Variants in CRK observed in about 807,000 individuals in gnomAD.
CRK encodes CRK proto-oncogene, adaptor protein.
In CRK, 4 loss-of-function variants were observed where a neutral mutation model predicts 29.8. That is an observed-to-expected ratio of 0.13 (90% CI 0.07 to 0.31). The LOEUF (loss-of-function observed/expected upper bound fraction) is 0.31, where lower values mean the gene tolerates loss of function less well. Among genes scored for constraint, CRK ranks in the 10% least tolerant of loss-of-function variants. The probability of loss-of-function intolerance (pLI) is 1.00; values close to 1 mark genes in which losing one functional copy is unlikely to be tolerated. For synonymous variants in CRK, 153 were observed against 164.9 expected (o/e 0.93, Z 0.55); for missense variants, 274 against 396.5 (o/e 0.69, Z 2.62).
At chr17:1,455,327 A>G (rs1041199424) in intron 1 of CRK, among the ~76,000 whole-genome samples, 1 of 152,132 alleles carries the variant, frequency 6.6e-6, no homozygotes, top group East Asian at 1.9e-4. Context: ...AAGATTTTGG[A>G]AAAATGCCCA....
At chr17:1,433,835 T>G (rs1236471261) in intron 2 of CRK, among the ~76,000 whole-genome samples, 1 of 150,936 alleles carries the variant, frequency 6.6e-6, no homozygotes. Context: ...GTTTTTTTTT[T>G]TTTTTTTTTT....
In CRK at chr17:1,448,620, C is replaced by CAAAAAAA. The variant is rs1292024313; in HGVS notation, c.241+7250_241+7256dup. Among the ~76,000 whole-genome samples, 81 of 32,306 alleles carry CAAAAAAA rather than the reference C, an allele frequency of 2.5e-3. 2 individuals carry two copies. Among genetic ancestry groups the CAAAAAAA allele is most frequent in the Middle Eastern group, 0.012 (1 of 84 alleles). The allele number at this position is 32,306 out of a possible 152,430, so 21.2% of individuals were successfully genotyped here. On this transcript the variant is annotated intron_variant, in intron 1 of 2. Coordinates refer to ENST00000300574, the MANE Select transcript of CRK (RefSeq NM_016823.4). Reference sequence around the variant, plus strand: ...CCTGGGTGAGAGCAAGACTCCATCTCAAAAAAAAAAAAAAAAAAAAAAGAA... The same window carrying CAAAAAAA: ...CCTGGGTGAGAGCAAGACTCCATCTCAAAAAAAAAAAAAAAAAAAAAAAAAAAAAGAA...
intron 2 of CRK, among the ~76,000 whole-genome samples, chr17:1,426,810 C>T (rs1336635137): frequency 6.6e-6 from 1 of 151,454 alleles, no homozygotes; most frequent in Non-Finnish European, 1.5e-5. Context: ...TGCAGTGAGC[C>T]GAGACTGTGC....
At chr17:1,438,724 G>C (rs1056531198) in intron 1 of CRK, among the ~76,000 whole-genome samples, 2 of 152,040 alleles carry the variant, frequency 1.3e-5, no homozygotes, top group Non-Finnish European at 2.9e-5. Flanking sequence ...GAGTGTGTAT[G>C]GTGGCCCTAC....
chr17:1,450,919 G>A (rs775249990), intron 1 of CRK, among the ~76,000 whole-genome samples: 1 of 151,844 alleles, frequency 6.6e-6, no homozygotes, highest in Non-Finnish European at 1.5e-5. Flanking sequence ...TAGGCCGGGC[G>A]CGGTGGCTCA....
chr17:1,435,266 G>A (rs1045736662), intron 2 of CRK, among the ~76,000 whole-genome samples: 1 of 151,870 alleles, frequency 6.6e-6, no homozygotes, highest in Non-Finnish European at 1.5e-5. Flanking sequence ...TGCCTAGGCC[G>A]GTCTCCAACT....
At chr17:1,426,653 C>G (rs934004838) in intron 2 of CRK, among the ~76,000 whole-genome samples, 4 of 152,102 alleles carry the variant, frequency 2.6e-5, no homozygotes, top group Non-Finnish European at 4.4e-5. Context: ...ATCACGACGT[C>G]AGGAGTTCAA....
At chr17:1,437,805 C>A (rs1455801371) in intron 1 of CRK, among the ~76,000 whole-genome samples, 1 of 151,336 alleles carries the variant, frequency 6.6e-6, no homozygotes, top group Non-Finnish European at 1.5e-5. Context: ...AGGCTCCCAC[C>A]ACCATGACAA....
chr17:1,453,848 C>A (rs1365662390), intron 1 of CRK, among the ~76,000 whole-genome samples: 1 of 152,056 alleles, frequency 6.6e-6, no homozygotes, highest in Admixed American at 6.6e-5. Flanking sequence ...GTAGAGATTG[C>A]AGTGAGCTGA....
At chr17:1,442,466 G>A (rs1351591291) in intron 1 of CRK, among the ~76,000 whole-genome samples, 7 of 151,902 alleles carry the variant, frequency 4.6e-5, no homozygotes, top group African/African-American at 1.7e-4. Context: ...GCAGATGTGA[G>A]CCAGTGCCGT....
chr17:1,445,797 A>G (rs2073970501), intron 1 of CRK, among the ~76,000 whole-genome samples: 1 of 152,352 alleles, frequency 6.6e-6, no homozygotes, highest in South Asian at 2.1e-4. Context: ...CCCATGGCTT[A>G]GAAATGGTTC....
intron 1 of CRK, among the ~76,000 whole-genome samples, chr17:1,452,764 TG>T (rs1037156915): frequency 4.8e-5 from 7 of 146,972 alleles, no homozygotes; most frequent in African/African-American, 1.8e-4. Flanking sequence ...CGCTCCAGCG[TG>T]GGAGACAAGA....
intron 1 of CRK, among the ~76,000 whole-genome samples, chr17:1,442,676 C>T (rs1048279163): frequency 1.5e-5 from 2 of 132,640 alleles, no homozygotes; most frequent in South Asian, 2.5e-4. Context: ...GGCTGGATGT[C>T]GGCTCACTGC....
At chr17:1,454,866 C>G (rs2074044317) in intron 1 of CRK, among the ~76,000 whole-genome samples, 1 of 152,164 alleles carries the variant, frequency 6.6e-6, no homozygotes, top group Non-Finnish European at 1.5e-5. Context: ...ACTCCAACGG[C>G]ATCGGTAAGA....
At chr17:1,455,067 G>A (rs2074045582) in intron 1 of CRK, among the ~76,000 whole-genome samples, 2 of 152,182 alleles carry the variant, frequency 1.3e-5, no homozygotes, top group South Asian at 2.1e-4. Context: ...GTCACTTACA[G>A]GGAAGGGTCT....
intron 2 of CRK, among the ~76,000 whole-genome samples, chr17:1,431,293 G>A (rs896797347): frequency 5.9e-5 from 9 of 152,280 alleles, no homozygotes; most frequent in Admixed American, 2.6e-4. Flanking sequence ...GAAGAAGGCC[G>A]GAGGGGGTGG....
intron 1 of CRK, among the ~76,000 whole-genome samples, chr17:1,441,227 C>A (rs1334592106): frequency 2.0e-5 from 3 of 152,068 alleles, no homozygotes; most frequent in Non-Finnish European, 4.4e-5. Flanking sequence ...CACGCCTGGC[C>A]TTGGCTTTGT....
Position 1,421,028 on chromosome 17 carries a change from T to C in CRK, c.*2485A>G, listed in dbSNP as rs1004594476. On this transcript the variant is annotated 3_prime_UTR_variant, in exon 3 of 3. Coordinates refer to ENST00000300574, the MANE Select transcript of CRK (RefSeq NM_016823.4). The stretch of plus-strand genomic sequence containing the variant: ...AAAATGGGATTTGCAGAAATGATTA[T>C]ATAAAATATAGCAGCCAATTTCAGT... 3.9e-5 allele frequency: 6 copies of C among 152,230 alleles called. No individual in the cohort carries two copies. Among genetic ancestry groups the C allele is most frequent in the African/African-American group, 1.2e-4 (5 of 41,476 alleles). 9.4% of individuals were successfully genotyped at this position (152,230 alleles called of 1,614,324 possible).
At chr17:1,433,219 G>A (rs1281870617) in intron 2 of CRK, among the ~76,000 whole-genome samples, 1 of 152,188 alleles carries the variant, frequency 6.6e-6, no homozygotes, top group African/African-American at 2.4e-5. Context: ...CTACACAGGG[G>A]ACATCACAGA....
Sources: allele counts gnomAD v4.1 joint callset (sites outside exome capture counted in the v4.1 genomes callset), GRCh38; gene constraint gnomAD v4.1.1; transcripts MANE v1.5; gene names NCBI Gene and HGNC (gene_info 2026-07-23, HGNC 2026-07-21).